Variants in SDK1 observed in about 807,000 individuals in gnomAD.
SDK1 encodes protein sidekick-1.
A neutral mutation model predicts 245.5 loss-of-function variants in SDK1; 157 were observed. The observed-to-expected ratio is 0.64, with a 90% CI of 0.56 to 0.73. The LOEUF (loss-of-function observed/expected upper bound fraction) is 0.73. SDK1 is among the 30% of genes least tolerant of loss of function. The pLI, the probability that SDK1 is intolerant of heterozygous loss-of-function variation, is 0.00. For missense variants in SDK1, 3,583 were observed against 3,002.3 expected, an observed-to-expected ratio of 1.19 and a Z score of -4.52; for synonymous variants, 1,647 against 1,278.5, an observed-to-expected ratio of 1.29 and a Z score of -6.15.
At chr7:4,193,474 A>C (rs1176389570) in intron 35 of SDK1, among the ~76,000 whole-genome samples, 2 of 149,612 alleles carry the variant, frequency 1.3e-5, no homozygotes, top group Non-Finnish European at 3.0e-5. Flanking sequence ...ACTACTGGGG[A>C]TGAGGAAGCT....
chr7:4,047,221 C>G lies in SDK1; in HGVS notation c.2603-2127C>G, dbSNP rs533380527. Among the ~76,000 whole-genome samples the G allele has an allele frequency of 1.6e-4, 24 of 152,054 alleles. No homozygotes were observed. The East Asian group carries it at 4.4e-3, about 28-fold the overall frequency. On this transcript the variant is annotated intron_variant, in intron 17 of 44. Transcript: ENST00000404826. The stretch of plus-strand genomic sequence containing the variant: ...ATCACAATTGATTATTAAATTTTGC[C>G]GAATGCTTTTCCTAAATCTATTAAG...
At chr7:4,027,931 A>G (rs1787488899) in intron 17 of SDK1, among the ~76,000 whole-genome samples, 2 of 151,794 alleles carry the variant, frequency 1.3e-5, no homozygotes, top group Non-Finnish European at 2.9e-5. Flanking sequence ...TAGGATCTAG[A>G]TAGAATAAAA....
chr7:3,472,944 G>C (rs569366170), intron 1 of SDK1, among the ~76,000 whole-genome samples: 2 of 152,110 alleles, frequency 1.3e-5, no homozygotes, highest in Non-Finnish European at 2.9e-5. Context: ...AAAATGAAAG[G>C]CATTGCACAC....
At chr7:3,515,866 A>T (rs905293687) in intron 1 of SDK1, among the ~76,000 whole-genome samples, 3 of 152,194 alleles carry the variant, frequency 2.0e-5, no homozygotes, top group Non-Finnish European at 4.4e-5. Flanking sequence ...AATGAAAAAT[A>T]TTCTTCACTA....
chr7:4,202,320 C>T (rs1021674417), intron 35 of SDK1, among the ~76,000 whole-genome samples: 8 of 152,238 alleles, frequency 5.3e-5, no homozygotes, highest in African/African-American at 1.9e-4. Flanking sequence ...AGGGCTGGTC[C>T]CACCAGTAGT....
intron 4 of SDK1, among the ~76,000 whole-genome samples, chr7:3,766,351 C>G (rs1448383015): frequency 6.6e-6 from 1 of 152,186 alleles, no homozygotes; most frequent in Non-Finnish European, 1.5e-5. Context: ...AGTGTACTCA[C>G]TTATTTTTCA....
At chr7:3,416,377 C>G (rs1779365759) in intron 1 of SDK1, among the ~76,000 whole-genome samples, 1 of 152,072 alleles carries the variant, frequency 6.6e-6, no homozygotes. Flanking sequence ...TAACTTCTCC[C>G]CACGGGAGAA....
intron 13 of SDK1, among the ~76,000 whole-genome samples, chr7:3,981,052 G>C (rs79511034): frequency 0.031 from 4,669 of 152,226 alleles, 239 homozygotes; most frequent in African/African-American, 0.11. Context: ...TTACAAACTG[G>C]AGGTTTGCAG....
At chr7:3,817,991 A>G (rs1169438346) in intron 4 of SDK1, among the ~76,000 whole-genome samples, 1 of 152,186 alleles carries the variant, frequency 6.6e-6, no homozygotes, top group Non-Finnish European at 1.5e-5. Flanking sequence ...TATAATTCGT[A>G]CCTCAGGACC....
intron 22 of SDK1, among the ~76,000 whole-genome samples, chr7:4,097,257 C>T (rs1045741971): frequency 2.3e-5 from 2 of 86,016 alleles, no homozygotes; most frequent in Admixed American, 1.0e-4. Context: ...AGGAAGCAGA[C>T]AGCTCCTGTA....
At chr7:4,074,910 A>ATG (rs1456680391) in intron 20 of SDK1, among the ~76,000 whole-genome samples, 1 of 77,226 alleles carries the variant, frequency 1.3e-5, no homozygotes, top group Admixed American at 1.3e-4. Flanking sequence ...ATATATATAT[A>ATG]TATATATTTT....
intron 19 of SDK1, among the ~76,000 whole-genome samples, chr7:4,056,667 G>A (rs1017381784): frequency 3.9e-5 from 6 of 152,068 alleles, no homozygotes; most frequent in South Asian, 2.1e-4. Context: ...CAAGACTCAC[G>A]TAGGGAGACT....
At chr7:3,633,391 C>T (rs1259326647) in intron 2 of SDK1, among the ~76,000 whole-genome samples, 2 of 152,098 alleles carry the variant, frequency 1.3e-5, no homozygotes, top group African/African-American at 2.4e-5. Context: ...TGGCCTGTAA[C>T]AGGTAGATTC....
chr7:4,069,542 G>A (rs1780114272), intron 20 of SDK1, among the ~76,000 whole-genome samples: 1 of 152,226 alleles, frequency 6.6e-6, no homozygotes, highest in Admixed American at 6.5e-5. Context: ...CGTGGTGGCA[G>A]CGTTCTCAGC....
chr7:3,971,319 C>G (rs1176434874), intron 11 of SDK1, 147 bp from the exon 12 acceptor site: 2 of 639,504 alleles, frequency 3.1e-6, no homozygotes, highest in African/African-American at 1.8e-5. Context: ...CCTAGCATTT[C>G]TGAGAGTGAT....
At chr7:4,120,638 G>A (rs1254543061) in intron 25 of SDK1, among the ~76,000 whole-genome samples, 1 of 127,986 alleles carries the variant, frequency 7.8e-6, no homozygotes, top group Non-Finnish European at 1.8e-5. Flanking sequence ...TTTTTTTGAG[G>A]TGGAGTCTCA....
chr7:4,110,754 C>T lies in SDK1; in HGVS notation c.3416C>T (p.Thr1139Ile), dbSNP rs759625742. 4 of 1,611,852 alleles carry T rather than the reference C, an allele frequency of 2.5e-6. No individual in the cohort carries two copies. In the South Asian group the frequency reaches 3.3e-5, roughly 13 times the overall value. Residue 1139 changes from threonine to isoleucine, a missense_variant, in exon 23 of 45, where the codon ACA becomes ATA. Thr to Ile is a moderately conservative substitution (Grantham distance 89). Transcript: ENST00000404826. ...DAQMLEIPNL[T>I]PYTHYRFRMK... ...CAGATGCTGGAGATCCCAAACCTCA[C>T]ACCCTACACTCACTACAGGTGAGAA...
intron 1 of SDK1, among the ~76,000 whole-genome samples, chr7:3,310,120 C>G (rs900543884): frequency 6.6e-6 from 1 of 152,200 alleles, no homozygotes; most frequent in Non-Finnish European, 1.5e-5. Context: ...GCTTCTGTGT[C>G]TGTGCTGGCA....
intron 1 of SDK1, among the ~76,000 whole-genome samples, chr7:3,314,588 C>T (rs1269491550): frequency 6.6e-6 from 1 of 152,150 alleles, no homozygotes; most frequent in African/African-American, 2.4e-5. Flanking sequence ...GGTTGATGCT[C>T]ATCAATTCCT....
Sources: allele counts gnomAD v4.1 joint callset (sites outside exome capture counted in the v4.1 genomes callset), GRCh38; gene constraint gnomAD v4.1.1; transcripts MANE v1.5; gene names NCBI Gene and HGNC (gene_info 2026-07-23, HGNC 2026-07-21).